Variants in ITGA3 observed in about 807,000 individuals in gnomAD.
ITGA3 encodes the protein integrin alpha-3.
ITGA3 carries 70 observed loss-of-function variants against 131.1 expected under a neutral mutation model. That is an observed-to-expected ratio of 0.53 (90% CI 0.44 to 0.65). ITGA3 has a LOEUF of 0.65. Ranked by LOEUF, ITGA3 falls within the 30% of genes least tolerant of loss-of-function variation. The pLI is 0.00. For synonymous variants in ITGA3, 537 were observed against 571.6 expected (o/e 0.94, Z 0.86); for missense variants, 1,098 against 1,388.6 (o/e 0.79, Z 3.33).
chr17:50,088,075 A>C, intron 24 of ITGA3, 150 bp from the exon 25 acceptor site: 1 of 1,253,910 alleles, frequency 8.0e-7, no homozygotes. Flanking sequence ...AGGGGGACCC[A>C]GGAGCTCTGG....
rs920862422 is a variant in ITGA3, at chr17:50,075,635, G to A, written c.1574G>A (p.Arg525Gln). The A allele has an allele frequency of 1.1e-5, 17 of 1,614,064 alleles. No individual in the cohort carries two copies. Among genetic ancestry groups the A allele is most frequent in the African/African-American group, 2.7e-5 (2 of 74,926 alleles). ...AYTLEADRDR[R>Q]PPRLRFAGSE... ...ACTCTGGAGGCTGACAGGGACCGCC[G>A]GCCGCCCCGGCTCCGCTTTGCCGGC... Residue 525 changes from arginine (R) to glutamine (Q), a missense_variant, in exon 12 of 26, where the codon CGG (arginine) becomes CAG (glutamine). Around this residue, in one of 3 missense-constraint regions of ITGA3, gnomAD observed 699 missense variants for 829.2 expected, o/e 0.84. Coordinates refer to ENST00000320031, the MANE Select transcript of ITGA3 (RefSeq NM_002204.4).
chr17:50,056,690 G>C lies in ITGA3; in HGVS notation c.206+45G>C, dbSNP rs1907842856. The C allele has an allele frequency of 6.5e-7, 1 of 1,548,288 alleles. No individual in the cohort carries two copies. Among genetic ancestry groups the C allele is most frequent in the Non-Finnish European group, 8.7e-7 (1 of 1,143,178 alleles). ...GTGGGGTGGGAGCGAGAGAGTGTGC[G>C]AGCGCGGGATGCGGGTCCGGAGCTG... On this transcript the variant is annotated intron_variant, in intron 1 of 25. Coordinates refer to ENST00000320031, the MANE Select transcript of ITGA3 (RefSeq NM_002204.4). The surrounding 1 kb of genome is among the most constrained non-coding windows in gnomAD (Gnocchi z 5.6).
At position 50,064,290 on chromosome 17, in the gene ITGA3, G is replaced by T. The variant is rs891374473; in HGVS notation, c.334+86G>T. The stretch of plus-strand genomic sequence containing the variant: ...AGAGAATGGCCTGGAGGAGATAGAA[G>T]GCTTGTTCACACGGCTTCTAGTCGC... On this transcript the variant is annotated intron_variant, in intron 2 of 25. Coordinates refer to ENST00000320031, the MANE Select transcript of ITGA3 (RefSeq NM_002204.4). The surrounding 1 kb of genome is among the most constrained non-coding windows in gnomAD (Gnocchi z 4.4). The T allele has an allele frequency of 2.0e-6, 3 of 1,502,756 alleles. No individual in the cohort carries two copies. Among genetic ancestry groups the T allele is most frequent in the Non-Finnish European group, 2.7e-6 (3 of 1,113,604 alleles). 93.1% of individuals were successfully genotyped at this position (1,502,756 alleles called of 1,614,324 possible).
chr17:50,089,990 C>T lies in ITGA3; in HGVS notation c.*912C>T. The T allele has an allele frequency of 4.0e-6, 1 of 246,960 alleles. No homozygotes were observed. Among genetic ancestry groups the T allele is most frequent in the Non-Finnish European group, 8.4e-6 (1 of 119,024 alleles). 15.3% of individuals were successfully genotyped at this position (246,960 alleles called of 1,614,324 possible). On this transcript the variant is annotated 3_prime_UTR_variant, in exon 26 of 26. Transcript: ENST00000320031. ...GGCAACGTAGCCTGGGCTCACTGTG[C>T]TGGGGCACGGCGGGATCCTCCACAG... is the stretch of plus-strand genomic sequence containing the variant.
chr17:50,074,211 T>C lies in ITGA3; in HGVS notation c.1313T>C (p.Met438Thr), dbSNP rs1016251016. The C allele has an allele frequency of 3.1e-6, 5 of 1,614,112 alleles. No individual in the cohort carries two copies. The African/African-American group carries it at 5.3e-5, about 17-fold the overall frequency. The change falls in exon 9 of 26, where the codon ATG becomes ACG. Residue 438 changes from methionine (M) to threonine (T), a missense_variant. Met to Thr is a moderately conservative substitution (Grantham distance 81). This residue lies in a region of ITGA3 where 699 missense variants were observed against 829.2 expected (regional missense o/e 0.84). Coordinates refer to ENST00000320031, the MANE Select transcript of ITGA3 (RefSeq NM_002204.4). ...ATFGYSLSGQ[M>T]DVDENFYPDL... ...TTCGGCTATTCCCTCAGTGGGCAGA[T>C]GGATGTGGATGAGAACTTCTACCCA...
chr17:50,086,842 C>G (rs940864474), intron 23 of ITGA3: 1 of 151,924 alleles, frequency 6.6e-6, no homozygotes. Context: ...CACCTGAGGT[C>G]GGGAGTTCGA....
intron 22 of ITGA3, 94 bp downstream of exon 22, chr17:50,080,469 T>A (rs1397516721): frequency 6.8e-6 from 1 of 146,294 alleles, no homozygotes; most frequent in Non-Finnish European, 2.3e-5. Flanking sequence ...CATGGGTGTG[T>A]GTGTGTGTGT....
In ITGA3 at chr17:50,077,574, G is replaced by A. The variant is rs1908975112; in HGVS notation, c.2139+127G>A. 8.1e-6 allele frequency: 6 copies of A among 743,644 alleles called. No homozygotes were observed. The South Asian group carries it at 9.6e-5, about 12-fold the overall frequency. The allele number at this position is 743,644 out of a possible 1,614,324, so 46.1% of individuals were successfully genotyped here. ...CTCGAAGTGGAGAGCCACAGTGCGG[G>A]AGGAGAGACTCAGTAGAGGGTGAGA... On this transcript the variant is annotated intron_variant, in intron 16 of 25. Coordinates refer to ENST00000320031, the MANE Select transcript of ITGA3 (RefSeq NM_002204.4).
At chr17:50,088,549 TC>T (rs1393839081) in intron 25 of ITGA3, among the ~76,000 whole-genome samples, 183 bp downstream of exon 25, 3 of 152,118 alleles carry the variant, frequency 2.0e-5, no homozygotes, top group African/African-American at 7.2e-5. Flanking sequence ...TTCATCAGCC[TC>T]CCCCTAAGCC....
chr17:50,059,901 TC>T (rs1479189015), intron 1 of ITGA3, among the ~76,000 whole-genome samples: 20 of 152,260 alleles, frequency 1.3e-4, no homozygotes, highest in African/African-American at 4.1e-4. Context: ...CTTTTTCCTG[TC>T]CTTTCTCATT....
chr17:50,073,976 C>T lies in ITGA3; in HGVS notation c.1217C>T (p.Ser406Phe). The T allele has an allele frequency of 6.2e-7, 1 of 1,614,006 alleles. No homozygotes were observed. Among genetic ancestry groups the T allele is most frequent in the Non-Finnish European group, 8.5e-7 (1 of 1,179,872 alleles). Reference sequence around the variant, plus strand: ...AAAGTGTACATCTATCACAGTAGCTCTAAGGGGCTCCTTAGACAGCCCCAG... The same window carrying T: ...AAAGTGTACATCTATCACAGTAGCTTTAAGGGGCTCCTTAGACAGCCCCAG... ...LGKVYIYHSS[S>F]KGLLRQPQQV... The change falls in exon 8 of 26, where the codon TCT becomes TTT. Residue 406 changes from serine (S) to phenylalanine (F), a missense_variant. By Grantham distance (155) the Ser-to-Phe change is radical (BLOSUM62 -2). This residue lies in a region of ITGA3 where 356 missense variants were observed against 529.2 expected (regional missense o/e 0.67). Coordinates refer to ENST00000320031, the MANE Select transcript of ITGA3 (RefSeq NM_002204.4).
At chr17:50,062,693 TGCCCA>T in intron 1 of ITGA3, among the ~76,000 whole-genome samples, 1 of 150,910 alleles carries the variant, frequency 6.6e-6, no homozygotes, top group African/African-American at 2.4e-5. Context: ...TGCCCTGCCC[TGCCCA>T]GCCCACTCCC....
In ITGA3 at chr17:50,056,194, C is replaced by A. The variant is rs1907794588; in HGVS notation, c.-246C>A. Reference sequence around the variant, plus strand: ...CAAGCTGGGGGCCGGTTGCCCGGGGCAGGGACGGCGGCGACCCGGCCGCTG... The same window carrying A: ...CAAGCTGGGGGCCGGTTGCCCGGGGAAGGGACGGCGGCGACCCGGCCGCTG... On this transcript the variant is annotated 5_prime_UTR_variant, in exon 1 of 26. Coordinates refer to ENST00000320031, the MANE Select transcript of ITGA3 (RefSeq NM_002204.4). The surrounding 1 kb of genome is among the most constrained non-coding windows in gnomAD (Gnocchi z 5.6). 2 of 428,250 alleles carry A rather than the reference C, an allele frequency of 4.7e-6. No individual in the cohort carries two copies. The highest frequency in any genetic ancestry group is 4.2e-5 in the African/African-American group (2 of 48,030). 26.5% of individuals were successfully genotyped at this position (428,250 alleles called of 1,614,324 possible). A position where few individuals can be genotyped will look rare whatever the true frequency, so the allele number is the denominator to read the frequency against.
chr17:50,087,631 C>T (rs962714015), intron 23 of ITGA3, 113 bp from the exon 24 acceptor site: 1 of 1,240,362 alleles, frequency 8.1e-7, no homozygotes, highest in Admixed American at 1.9e-5. Flanking sequence ...CCCAGGCTGC[C>T]CCCTACTGGC....
chr17:50,080,385 TG>T lies in ITGA3; in HGVS notation c.2820+13del, dbSNP rs763844981. 1 of 1,570,686 alleles carries T rather than the reference TG, an allele frequency of 6.4e-7. No individual in the cohort carries two copies. Among genetic ancestry groups the T allele is most frequent in the Non-Finnish European group, 8.7e-7 (1 of 1,143,856 alleles). ...CAGCACCTTCATCGAGGTCAGTGCCTGGGTCTGAAGGTCTCTCCTACCATCC... is the reference window on the plus strand; with the variant it reads ...CAGCACCTTCATCGAGGTCAGTGCCTGGTCTGAAGGTCTCTCCTACCATCC... On this transcript the variant is annotated intron_variant, in intron 22 of 25. Coordinates refer to ENST00000320031, the MANE Select transcript of ITGA3 (RefSeq NM_002204.4).
intron 21 of ITGA3, 88 bp downstream of exon 21, chr17:50,079,645 C>G: frequency 2.2e-6 from 3 of 1,376,800 alleles, no homozygotes; most frequent in Non-Finnish European, 1.9e-6. Flanking sequence ...CAAGGGAGAC[C>G]TCAGTGTGAT....
At position 50,064,040 on chromosome 17, in the gene ITGA3, A is replaced by T; in HGVS notation, c.207-37A>T. On this transcript the variant is annotated intron_variant, in intron 1 of 25. Coordinates refer to ENST00000320031, the MANE Select transcript of ITGA3 (RefSeq NM_002204.4). The surrounding 1 kb of genome is among the most constrained non-coding windows in gnomAD (Gnocchi z 4.4). ...AAGTTGTTCCAAGTGGGGCTTGGGG[A>T]GTCTGAACCCGGACCCACCTCCGTC... 2 of 1,607,316 alleles carry T rather than the reference A, an allele frequency of 1.2e-6. No homozygotes were observed. Among genetic ancestry groups the T allele is most frequent in the Non-Finnish European group, 1.7e-6 (2 of 1,177,280 alleles).
chr17:50,072,263 C>T (rs1908667424), intron 7 of ITGA3, 81 bp downstream of exon 7: 1 of 1,308,432 alleles, frequency 7.6e-7, no homozygotes, highest in African/African-American at 1.5e-5. Context: ...GCACCAGCTG[C>T]ACATCAGGCT....
chr17:50,064,165 C>A lies in ITGA3; in HGVS notation c.295C>A (p.His99Asn). The A allele has an allele frequency of 6.2e-7, 1 of 1,611,002 alleles. No individual in the cohort carries two copies. The part of the protein sequence containing the change: ...GAVYLCPLTA[H>N]KDDCERMNIT... ...TGTGTACCTGTGCCCACTCACTGCC[C>A]ACAAGGATGACTGTGAGCGGATGAA... The change falls in exon 2 of 26, where the codon CAC (histidine) becomes AAC (asparagine). Residue 99 changes from histidine to asparagine, a missense_variant. Physicochemically the swap from His to Asn is moderately conservative, Grantham distance 68. Transcript: ENST00000320031. This position sits in a 1 kb window ranked among gnomAD's most constrained non-coding sequence, Gnocchi z 4.4.
Sources: gnomAD v4.1 joint callset for allele counts (sites outside exome capture counted in the v4.1 genomes callset) on GRCh38, gnomAD v4.1.1 for gene constraint, gnomAD v4.1.1 regional missense constraint, Gnocchi (gnomAD v3.1) non-coding constraint, MANE v1.5 for transcripts, NCBI Gene and HGNC (gene_info 2026-07-23, HGNC 2026-07-21) for gene names.